GPC6: variants seen among roughly 807,000 people sequenced by gnomAD.
GPC6 encodes glypican 6, also known as glypican-6.
In GPC6, 14 loss-of-function variants were observed where a neutral mutation model predicts 55.2. The ratio of observed to expected loss-of-function variants is 0.25; its 90% CI spans 0.17 to 0.40. GPC6 has a LOEUF of 0.40. Ranked by LOEUF, GPC6 falls within the 10% of genes least tolerant of loss-of-function variation. The probability of loss-of-function intolerance (pLI) is 1.00; values close to 1 mark genes in which losing one functional copy is unlikely to be tolerated. For synonymous variants in GPC6, 278 were observed against 259.6 expected (o/e 1.07, Z -0.68); for missense variants, 641 against 708.5 (o/e 0.90, Z 1.08).
At chr13:94,200,730 A>G (rs963283695) in intron 4 of GPC6, among the ~76,000 whole-genome samples, 2 of 152,274 alleles carry the variant, frequency 1.3e-5, no homozygotes, top group African/African-American at 4.8e-5. Flanking sequence ...AATGTCCTAC[A>G]GCATTCTTTG....
At chr13:94,277,543 C>A (rs926056878) in intron 4 of GPC6, among the ~76,000 whole-genome samples, 1 of 151,992 alleles carries the variant, frequency 6.6e-6, no homozygotes, top group African/African-American at 2.4e-5. Context: ...AGATTTTCTT[C>A]GGGGGTTTTT....
intron 4 of GPC6, among the ~76,000 whole-genome samples, chr13:94,170,058 T>C (rs865930926): frequency 6.6e-6 from 1 of 152,134 alleles, no homozygotes; most frequent in African/African-American, 2.4e-5. Context: ...ACTGCTACTG[T>C]TGGAGGCAAG....
chr13:94,191,953 A>G (rs1254059190), intron 4 of GPC6, among the ~76,000 whole-genome samples: 3 of 152,188 alleles, frequency 2.0e-5, no homozygotes, highest in East Asian at 1.9e-4. Context: ...ATATCCTCTT[A>G]TACTTGAAGA....
chr13:93,546,042 A>G (rs559097934), intron 2 of GPC6, among the ~76,000 whole-genome samples: 1 of 152,372 alleles, frequency 6.6e-6, no homozygotes, highest in South Asian at 2.1e-4. Context: ...GAATTTTCGC[A>G]TTAGAGCCTG....
At chr13:93,564,753 A>G (rs1594271520) in intron 2 of GPC6, among the ~76,000 whole-genome samples, 1 of 152,280 alleles carries the variant, frequency 6.6e-6, no homozygotes, top group Middle Eastern at 3.4e-3. Context: ...TATTTTGTAC[A>G]TGAATTACTT....
At chr13:94,126,224 A>G (rs1422788813) in intron 4 of GPC6, among the ~76,000 whole-genome samples, 1 of 152,102 alleles carries the variant, frequency 6.6e-6, no homozygotes, top group Non-Finnish European at 1.5e-5. Context: ...TACAAAAAAA[A>G]AATTGAAAAT....
At chr13:94,291,198 A>G (rs1874950753) in intron 5 of GPC6, among the ~76,000 whole-genome samples, 1 of 152,106 alleles carries the variant, frequency 6.6e-6, no homozygotes, top group African/African-American at 2.4e-5. Context: ...ATCTCAAAAC[A>G]AAAAAGAAAA....
chr13:94,166,511 C>T (rs1888376669), intron 4 of GPC6, among the ~76,000 whole-genome samples: 2 of 152,134 alleles, frequency 1.3e-5, no homozygotes, highest in South Asian at 4.1e-4. Flanking sequence ...ATCTCTCTGT[C>T]AGTAGAACTG....
chr13:93,977,517 T>G (rs1295158793), intron 3 of GPC6, among the ~76,000 whole-genome samples: 1 of 95,844 alleles, frequency 1.0e-5, no homozygotes, highest in African/African-American at 3.3e-5. Context: ...TGTGTGTGTG[T>G]GGTGTGTCTT....
upstream of GPC6, among the ~76,000 whole-genome samples, chr13:93,222,934 C>T (rs1167663181): frequency 6.6e-6 from 1 of 151,190 alleles, no homozygotes; most frequent in East Asian, 1.9e-4. Flanking sequence ...TGTCTTGTCT[C>T]TTACGCAAAA....
At chr13:93,911,714 G>C (rs1467356652) in intron 3 of GPC6, among the ~76,000 whole-genome samples, 1 of 152,146 alleles carries the variant, frequency 6.6e-6, no homozygotes, top group Non-Finnish European at 1.5e-5. Context: ...CATTATGACT[G>C]TTTCCCCACT....
At chr13:94,395,642 C>T (rs772838292) in intron 7 of GPC6, among the ~76,000 whole-genome samples, 1 of 152,110 alleles carries the variant, frequency 6.6e-6, no homozygotes, top group Non-Finnish European at 1.5e-5. Context: ...GTTTCCAGAA[C>T]TTGGAAAATC....
At chr13:93,842,934 C>T (rs185821016) in intron 3 of GPC6, among the ~76,000 whole-genome samples, 7 of 152,062 alleles carry the variant, frequency 4.6e-5, no homozygotes, top group Admixed American at 4.6e-4. Flanking sequence ...ATTCTCCATA[C>T]CCAGAGATAA....
chr13:94,267,049 ATGT>A (rs1428011281), intron 4 of GPC6, among the ~76,000 whole-genome samples: 1 of 152,156 alleles, frequency 6.6e-6, no homozygotes, highest in African/African-American at 2.4e-5. Context: ...CACTATGATG[ATGT>A]TATTAGTTAG....
At chr13:94,246,343 G>A (rs1411664097) in intron 4 of GPC6, among the ~76,000 whole-genome samples, 1 of 151,984 alleles carries the variant, frequency 6.6e-6, no homozygotes. Context: ...TCTTTACAGT[G>A]TATAAGGTTT....
chr13:93,595,305 A>G (rs1319715153), intron 2 of GPC6, among the ~76,000 whole-genome samples: 2 of 152,178 alleles, frequency 1.3e-5, no homozygotes, highest in African/African-American at 4.8e-5. Context: ...TATATGCCCA[A>G]TCCTATGTGG....
At chr13:93,270,434 G>T (rs913858717) in intron 1 of GPC6, among the ~76,000 whole-genome samples, 1 of 151,764 alleles carries the variant, frequency 6.6e-6, no homozygotes, top group Non-Finnish European at 1.5e-5. Context: ...AATATCAAGG[G>T]TTCAGAGAGT....
At chr13:93,963,736 T>G (rs557092267) in intron 3 of GPC6, among the ~76,000 whole-genome samples, 1 of 152,344 alleles carries the variant, frequency 6.6e-6, no homozygotes, top group Non-Finnish European at 1.5e-5. Context: ...AAAATCCTTG[T>G]GTACACAATA....
Position 94,272,697 on chromosome 13 carries a change from T to C in GPC6, c.878-13652T>C, listed in dbSNP as rs984178399. Among the ~76,000 whole-genome samples, 21 of 152,162 alleles carry C rather than the reference T, an allele frequency of 1.4e-4. 1 individual carries two copies. The highest frequency in any genetic ancestry group is 5.1e-4 in the African/African-American group (21 of 41,536). On this transcript the variant is annotated intron_variant, in intron 4 of 8. Coordinates refer to ENST00000377047, the MANE Select transcript of GPC6 (RefSeq NM_005708.5). ...GTTAGCCAGGATGGTCTCAATTTCCTGACCTCATAATCCGCCCACCTTGGC... is the reference window on the plus strand; with the variant it reads ...GTTAGCCAGGATGGTCTCAATTTCCCGACCTCATAATCCGCCCACCTTGGC...
Sources: allele counts gnomAD v4.1 joint callset (sites outside exome capture counted in the v4.1 genomes callset), GRCh38; gene constraint gnomAD v4.1.1; transcripts MANE v1.5; gene names NCBI Gene and HGNC (gene_info 2026-07-23, HGNC 2026-07-21).